The following BICDL1 variants were observed in gnomAD, a reference collection of about 807,000 sequenced individuals.
BICDL1 encodes the protein BICD family-like cargo adapter 1.
BICDL1 carries 20 observed loss-of-function variants against 76.8 expected under a neutral mutation model. The ratio of observed to expected loss-of-function variants is 0.26; its 90% confidence interval spans 0.18 to 0.38. The LOEUF is 0.38. Ranked by LOEUF, BICDL1 falls within the 10% of genes least tolerant of loss-of-function variation. BICDL1 has a pLI of 1.00. For missense variants in BICDL1, 700 were observed against 798.6 expected, an observed-to-expected ratio of 0.88 and a Z score of 1.49; for synonymous variants, 383 against 337.1, an observed-to-expected ratio of 1.14 and a Z score of -1.49.
At chr12:120,072,399 TTCTAGAACTGGTG>T (rs1873175551) in intron 5 of BICDL1, 99 bp from the exon 6 acceptor site, 2 of 958,094 alleles carry the variant, frequency 2.1e-6, no homozygotes, top group African/African-American at 3.3e-5. Flanking sequence ...AAACCCTTTC[TTCTAGAACTGGTG>T]TCTTGGGTAT....
At chr12:120,064,430 CTT>C (rs1390264028) in intron 3 of BICDL1, among the ~76,000 whole-genome samples, 1 of 146,210 alleles carries the variant, frequency 6.8e-6, no homozygotes. Context: ...AGGTGGAGCC[CTT>C]TTTTTTTTTA....
At chr12:120,061,966 T>C in intron 3 of BICDL1, 140 bp downstream of exon 3, 1 of 634,020 alleles carries the variant, frequency 1.6e-6, no homozygotes. Context: ...ATTTGATCTG[T>C]TTCTCTGGGT....
At position 120,094,245 on chromosome 12, in the gene BICDL1, CTCACAACCGAT is replaced by C; in HGVS notation, c.*1088_*1098del. On this transcript the variant is annotated 3_prime_UTR_variant, in exon 10 of 10. Coordinates refer to ENST00000548673, the MANE Select transcript of BICDL1 (RefSeq NM_001367886.1). ...CCGCGGCCCGGCCAGCCCTCAGCTG[CTCACAACCGAT>C]TCAGTCTCCCTCCCTCCCTCACGTG... is the stretch of plus-strand genomic sequence containing the variant. 2.2e-6 allele frequency: 1 copy of C among 456,788 alleles called. No individual in the cohort carries two copies. The highest frequency in any genetic ancestry group is 1.5e-5 in the South Asian group (1 of 64,574). The allele number at this position is 456,788 out of a possible 1,614,324, so 28.3% of individuals were successfully genotyped here.
Position 120,093,893 on chromosome 12 carries a change from G to A in BICDL1, c.*732G>A, listed in dbSNP as rs963658413. On this transcript the variant is annotated 3_prime_UTR_variant, in exon 10 of 10. Transcript: ENST00000548673. Reference sequence around the variant, plus strand: ...GGCAGAGTGTTATCACCAGTCATCTGCAGGCTTTAGCCATCCAGCCCTTTC... The same window carrying A: ...GGCAGAGTGTTATCACCAGTCATCTACAGGCTTTAGCCATCCAGCCCTTTC... 1.6e-5 allele frequency: 4 copies of A among 253,404 alleles called. No homozygotes were observed. The highest frequency in any genetic ancestry group is 6.7e-5 in the African/African-American group (3 of 44,502). The allele number at this position is 253,404 out of a possible 1,614,324, so 15.7% of individuals were successfully genotyped here.
intron 2 of BICDL1, among the ~76,000 whole-genome samples, chr12:120,040,801 G>T (rs1380570350): frequency 6.9e-6 from 1 of 144,794 alleles, no homozygotes; most frequent in African/African-American, 2.7e-5. Flanking sequence ...AGACTGGAGT[G>T]CAATGGCATG....
chr12:120,020,762 A>C (rs1272360898), intron 2 of BICDL1, among the ~76,000 whole-genome samples: 2 of 152,214 alleles, frequency 1.3e-5, no homozygotes, highest in Non-Finnish European at 2.9e-5. Context: ...GGAGAAAGAC[A>C]CAGCTTTACA....
chr12:120,050,475 G>A (rs1235658671), intron 2 of BICDL1, among the ~76,000 whole-genome samples: 4 of 151,720 alleles, frequency 2.6e-5, no homozygotes, highest in Admixed American at 1.3e-4. Context: ...CACCGTGTTA[G>A]CCAGGATGGT....
rs1873796848 is a variant in BICDL1 at position 120,079,322 on chromosome 12, A to G, written c.1453-1565A>G. ...TCGTTCTGGAGAATGTCTGAAATGTATTGATTTTCAGACACTTCAAGATCA... is the reference window on the plus strand; with the variant it reads ...TCGTTCTGGAGAATGTCTGAAATGTGTTGATTTTCAGACACTTCAAGATCA... On this transcript the variant is annotated intron_variant, in intron 7 of 9. Coordinates refer to ENST00000548673, the MANE Select transcript of BICDL1 (RefSeq NM_001367886.1). The surrounding 1 kb of genome is among the most constrained non-coding windows in gnomAD (Gnocchi z 4.3). 6.6e-6 allele frequency among the ~76,000 whole-genome samples: 1 copy of G among 152,144 alleles called. No individual in the cohort carries two copies. Among genetic ancestry groups the G allele is most frequent in the African/African-American group, 2.4e-5 (1 of 41,418 alleles).
intron 7 of BICDL1, among the ~76,000 whole-genome samples, chr12:120,075,796 C>T (rs1270486813): frequency 1.3e-5 from 2 of 152,220 alleles, no homozygotes; most frequent in African/African-American, 2.4e-5. Flanking sequence ...GGGAGACCCA[C>T]CTCCAGCCAT....
At chr12:120,045,808 T>TAAGG (rs1488460603) in intron 2 of BICDL1, among the ~76,000 whole-genome samples, 2 of 149,856 alleles carry the variant, frequency 1.3e-5, no homozygotes, top group Non-Finnish European at 3.0e-5. Flanking sequence ...TTGGGAGATA[T>TAAGG]ACCTAATGCT....
Position 120,089,915 on chromosome 12 carries a change from A to G in BICDL1, c.1584-36A>G, listed in dbSNP as rs759682982. 7 of 1,609,888 alleles carry G rather than the reference A, an allele frequency of 4.3e-6. No individual in the cohort carries two copies. The African/African-American group carries it at 8.0e-5, about 18-fold the overall frequency. ...TAAAGACCAAGATGCCTCTGGCACA[A>G]GGTGTCCATGTTCACCCTGGCTTGT... is the stretch of plus-strand genomic sequence containing the variant. On this transcript the variant is annotated intron_variant, in intron 8 of 9. Transcript: ENST00000548673.
At chr12:120,085,354 A>G (rs1874319804) in intron 8 of BICDL1, among the ~76,000 whole-genome samples, 1 of 152,204 alleles carries the variant, frequency 6.6e-6, no homozygotes, top group South Asian at 2.1e-4. Context: ...CAGTAAGCCA[A>G]GATTGCACCA....
At chr12:120,045,894 A>G (rs919411372) in intron 2 of BICDL1, among the ~76,000 whole-genome samples, 3 of 145,436 alleles carry the variant, frequency 2.1e-5, no homozygotes, top group Non-Finnish European at 3.0e-5. Flanking sequence ...CATTGTGCAC[A>G]TGTACCCTAA....
chr12:120,015,849 C>G (rs1952049848), intron 2 of BICDL1, among the ~76,000 whole-genome samples: 1 of 152,204 alleles, frequency 6.6e-6, no homozygotes, highest in African/African-American at 2.4e-5. Flanking sequence ...AAGGAACCCC[C>G]TTTTTAAAAC....
chr12:120,076,793 A>G (rs2138967382), intron 7 of BICDL1, among the ~76,000 whole-genome samples: 1 of 152,354 alleles, frequency 6.6e-6, no homozygotes, highest in Middle Eastern at 3.4e-3. Flanking sequence ...CTCCCAAGGC[A>G]GGGGTAGGGT....
intron 9 of BICDL1, 86 bp from the exon 10 acceptor site, chr12:120,092,914 G>C (rs751543012): frequency 6.1e-6 from 9 of 1,483,498 alleles, no homozygotes; most frequent in Admixed American, 2.4e-5. Context: ...TCTCTCATCT[G>C]TCTGATGTTC....
At chr12:120,053,847 G>A (rs1170058583) in intron 2 of BICDL1, among the ~76,000 whole-genome samples, 1 of 152,104 alleles carries the variant, frequency 6.6e-6, no homozygotes, top group East Asian at 1.9e-4. Context: ...ATAAATACAT[G>A]TATGTTTATC....
intron 2 of BICDL1, among the ~76,000 whole-genome samples, chr12:120,003,481 T>C (rs1036936943): frequency 6.6e-6 from 1 of 152,218 alleles, no homozygotes; most frequent in African/African-American, 2.4e-5. Flanking sequence ...ATGTACTCTT[T>C]AGAAGTGCAC....
At chr12:120,074,362 C>A (rs554270722) in intron 6 of BICDL1, 81 bp from the exon 7 acceptor site, 2 of 934,272 alleles carry the variant, frequency 2.1e-6, no homozygotes, top group Non-Finnish European at 1.3e-6. Flanking sequence ...CTTCTCTCCC[C>A]GACTAACCAT....
Sources: gnomAD v4.1 joint callset for allele counts (sites outside exome capture counted in the v4.1 genomes callset) on GRCh38, gnomAD v4.1.1 for gene constraint, Gnocchi (gnomAD v3.1) non-coding constraint, MANE v1.5 for transcripts, NCBI Gene and HGNC (gene_info 2026-07-23, HGNC 2026-07-21) for gene names.